Variants in DNMT1 observed in about 807,000 individuals in gnomAD.
DNMT1 encodes the protein DNA methyltransferase 1.
Under a neutral mutation model 205.3 loss-of-function variants are expected in DNMT1, and 24 were observed. The ratio of observed to expected loss-of-function variants is 0.12; its 90% CI spans 0.08 to 0.16. The LOEUF (loss-of-function observed/expected upper bound fraction) is 0.16, where lower values mean the gene tolerates loss of function less well. Among genes scored for constraint, DNMT1 ranks in the 10% least tolerant of loss-of-function variants. The pLI is 1.00. For missense variants in DNMT1, 1,293 were observed against 2,177.7 expected (o/e 0.59, Z 8.09); for synonymous variants, 817 against 839.8 (o/e 0.97, Z 0.47).
intron 9 of DNMT1, 87 bp downstream of exon 9, chr19:10,173,003 C>T: frequency 6.7e-7 from 1 of 1,501,420 alleles, no homozygotes; most frequent in Non-Finnish European, 9.3e-7. Context: ...CCACGTTCCC[C>T]ACCCCCTGTC....
In DNMT1 at chr19:10,194,903, G is replaced by A. The variant is rs372657357; in HGVS notation, c.-4C>T. On this transcript the variant is annotated 5_prime_UTR_variant, in exon 1 of 41. Coordinates refer to ENST00000359526, the MANE Select transcript of DNMT1 (RefSeq NM_001130823.3). ...CTGGGGCGGTACGCGCCGGCATCTCGGAGGCTTCAGCAGACGCGGCGGCGG... is the reference window on the plus strand; with the variant it reads ...CTGGGGCGGTACGCGCCGGCATCTCAGAGGCTTCAGCAGACGCGGCGGCGG... 43 of 1,607,342 alleles carry A rather than the reference G, an allele frequency of 2.7e-5. No individual in the cohort carries two copies. The highest frequency in any genetic ancestry group is 3.3e-5 in the Non-Finnish European group (39 of 1,177,156).
chr19:10,141,992 C>A, intron 30 of DNMT1, 36 bp downstream of exon 30: 8 of 1,609,156 alleles, frequency 5.0e-6, no homozygotes, highest in Non-Finnish European at 6.8e-6. Flanking sequence ...CCAACTTTGA[C>A]CCCGAAGCCT....
At chr19:10,167,028 T>A (rs1311492229) in intron 10 of DNMT1, among the ~76,000 whole-genome samples, 3 of 152,120 alleles carry the variant, frequency 2.0e-5, no homozygotes, top group African/African-American at 7.2e-5. Flanking sequence ...TGGGCTGATG[T>A]GCGATCAGCG....
At chr19:10,182,009 G>T (rs1352269178) in intron 2 of DNMT1, 32 bp downstream of exon 2, 4 of 1,597,342 alleles carry the variant, frequency 2.5e-6, no homozygotes, top group South Asian at 1.1e-5. Flanking sequence ...AGTCAGATTT[G>T]GTAATAAGAA....
chr19:10,163,024 G>C (rs926665908), intron 12 of DNMT1: 1 of 563,602 alleles, frequency 1.8e-6, no homozygotes. Flanking sequence ...GAGTGCAGTG[G>C]CGCAATCTTG....
At chr19:10,184,888 C>G (rs1024858401) in intron 1 of DNMT1, among the ~76,000 whole-genome samples, 3 of 152,218 alleles carry the variant, frequency 2.0e-5, no homozygotes, top group African/African-American at 7.2e-5. Flanking sequence ...GCCTGAAGGG[C>G]AGAAGTGGCT....
In DNMT1 at chr19:10,173,189, A is replaced by G. The variant is rs1305332960; in HGVS notation, c.684-15T>C. ...GTCTAGCAACTCTGTCAAGCAAAAT[A>G]ACACAGACCCCAAGTGTGAGTGCCA... On this transcript the variant is annotated splice_polypyrimidine_tract_variant and intron_variant, in intron 8 of 40. Coordinates refer to ENST00000359526, the MANE Select transcript of DNMT1 (RefSeq NM_001130823.3). The G allele has an allele frequency of 1.2e-6, 2 of 1,614,156 alleles. No homozygotes were observed. The highest frequency in any genetic ancestry group is 1.6e-4 in the Middle Eastern group (1 of 6,062).
chr19:10,189,293 T>C (rs1225097482), intron 1 of DNMT1, among the ~76,000 whole-genome samples: 1 of 152,128 alleles, frequency 6.6e-6, no homozygotes, highest in Non-Finnish European at 1.5e-5. Flanking sequence ...CTAATTTTTT[T>C]TGTATTTTTA....
intron 1 of DNMT1, among the ~76,000 whole-genome samples, chr19:10,193,072 AGTT>A (rs1163716986): frequency 2.0e-5 from 3 of 152,126 alleles, no homozygotes; most frequent in Non-Finnish European, 2.9e-5. Flanking sequence ...AAAAAGTAGT[AGTT>A]AAGGCATGAT....
At chr19:10,171,791 C>T (rs1036213425) in intron 9 of DNMT1, among the ~76,000 whole-genome samples, 1 of 148,572 alleles carries the variant, frequency 6.7e-6, no homozygotes, top group African/African-American at 2.5e-5. Context: ...GGCGACAGAG[C>T]GAGACTCCGT....
chr19:10,156,616 C>T lies in DNMT1; in HGVS notation c.1281-107G>A, dbSNP rs1599368418. On this transcript the variant is annotated intron_variant, in intron 17 of 40. Transcript: ENST00000359526. This position sits in a 1 kb window ranked among gnomAD's most constrained non-coding sequence, Gnocchi z 4.2. The stretch of plus-strand genomic sequence containing the variant: ...AATGAGAGAATGTACAAGTCTGACA[C>T]TCTTTTTTTGTTTGTTTTTGAGACA... The T allele has an allele frequency of 8.4e-6, 7 of 832,164 alleles. No homozygotes were observed. Among genetic ancestry groups the T allele is most frequent in the Non-Finnish European group, 1.4e-5 (7 of 485,772 alleles). 51.5% of individuals were successfully genotyped at this position (832,164 alleles called of 1,614,324 possible).
chr19:10,140,368 GA>G lies in DNMT1; in HGVS notation c.3524-41del. The stretch of plus-strand genomic sequence containing the variant: ...ACGAAGCCATGCTTTCAACTCTCCA[GA>G]AGATTTTTTTTTTTTTTTGAGATGG... On this transcript the variant is annotated intron_variant, in intron 32 of 40. Transcript: ENST00000359526. The surrounding 1 kb of genome is among the most constrained non-coding windows in gnomAD (Gnocchi z 8.4). 4 of 1,599,626 alleles carry G rather than the reference GA, an allele frequency of 2.5e-6. No homozygotes were observed. Among genetic ancestry groups the G allele is most frequent in the Non-Finnish European group, 3.4e-6 (4 of 1,176,350 alleles).
chr19:10,178,419 T>G (rs1192387265), intron 5 of DNMT1, among the ~76,000 whole-genome samples: 1 of 151,936 alleles, frequency 6.6e-6, no homozygotes. Context: ...TAACTGGGCG[T>G]GGTGGCGCAT....
At chr19:10,175,270 C>T (rs866117946) in intron 7 of DNMT1, among the ~76,000 whole-genome samples, 12 of 151,884 alleles carry the variant, frequency 7.9e-5, no homozygotes, top group Admixed American at 2.0e-4. Flanking sequence ...AAAATAAAGT[C>T]TCTCCCCATA....
rs540293848 is a variant in DNMT1 at position 10,135,567 on chromosome 19, T to C, written c.4773+169A>G. 2.1e-5 allele frequency: 15 copies of C among 698,272 alleles called. No homozygotes were observed. The South Asian group carries it at 2.2e-4, about 10-fold the overall frequency. 43.3% of individuals were successfully genotyped at this position (698,272 alleles called of 1,614,324 possible). ...GCATAGGGACGCAGCCTGACTCGGA[T>C]GTCTCAGCACTGTCCCTCCTGTGGG... On this transcript the variant is annotated intron_variant, in intron 39 of 40. Coordinates refer to ENST00000359526, the MANE Select transcript of DNMT1 (RefSeq NM_001130823.3).
At chr19:10,149,728 G>C (rs995004655) in intron 25 of DNMT1, 71 bp from the exon 26 acceptor site, 1 of 1,609,980 alleles carries the variant, frequency 6.2e-7, no homozygotes, top group African/African-American at 1.3e-5. Flanking sequence ...AGTCTATGCA[G>C]GAGCACTCGT....
intron 12 of DNMT1, 60 bp from the exon 13 acceptor site, chr19:10,162,808 C>T (rs980729391): frequency 1.6e-5 from 25 of 1,576,624 alleles, no homozygotes; most frequent in Non-Finnish European, 2.2e-5. Flanking sequence ...ACATCGCCAA[C>T]TCGCACGGAA....
chr19:10,189,343 G>C (rs1035012262), intron 1 of DNMT1, among the ~76,000 whole-genome samples: 3 of 151,830 alleles, frequency 2.0e-5, no homozygotes, highest in African/African-American at 4.8e-5. Context: ...GGATGGTCTC[G>C]ATCTCCTGAC....
intron 11 of DNMT1, 141 bp from the exon 12 acceptor site, chr19:10,163,501 G>A (rs1164565688): frequency 2.4e-6 from 2 of 838,524 alleles, no homozygotes; most frequent in South Asian, 1.4e-5. Context: ...GCAGGCCTGG[G>A]CAGATCTACC....
Sources: gnomAD v4.1 joint callset for allele counts (sites outside exome capture counted in the v4.1 genomes callset) on GRCh38, gnomAD v4.1.1 for gene constraint, Gnocchi (gnomAD v3.1) non-coding constraint, MANE v1.5 for transcripts, NCBI Gene and HGNC (gene_info 2026-07-23, HGNC 2026-07-21) for gene names.